Variants in DCTN5 observed in about 807,000 individuals in gnomAD.
DCTN5 encodes dynactin 4.
DCTN5 carries 14 observed loss-of-function variants against 23.5 expected under a neutral mutation model. That is an observed-to-expected ratio of 0.60 (90% CI 0.39 to 0.93). DCTN5 has a LOEUF of 0.93. Ranked by LOEUF, DCTN5 falls within the 40% of genes least tolerant of loss-of-function variation. DCTN5 has a pLI of 0.00. For missense variants in DCTN5, 156 were observed against 225.9 expected, an observed-to-expected ratio of 0.69 and a Z score of 1.98; for synonymous variants, 67 against 79.6, an observed-to-expected ratio of 0.84 and a Z score of 0.84.
chr16:23,653,427 A>G (rs1304340370), intron 2 of DCTN5, among the ~76,000 whole-genome samples: 1 of 152,172 alleles, frequency 6.6e-6, no homozygotes, highest in Non-Finnish European at 1.5e-5. Context: ...TCTTCATCAA[A>G]CCTTCTAAAA....
intron 2 of DCTN5, among the ~76,000 whole-genome samples, chr16:23,649,496 TG>T (rs1461867238): frequency 2.0e-5 from 3 of 152,180 alleles, no homozygotes; most frequent in Non-Finnish European, 4.4e-5. Flanking sequence ...ATTTCCCCTA[TG>T]TTTTCTTCTA....
chr16:23,664,624 CTG>C (rs2140987313), intron 4 of DCTN5, among the ~76,000 whole-genome samples: 2 of 152,310 alleles, frequency 1.3e-5, no homozygotes, highest in East Asian at 3.9e-4. Context: ...CAGCTGTAAA[CTG>C]TACACAGAAG....
At chr16:23,645,114 TATATATATATA>T (rs1967413758) in intron 2 of DCTN5, among the ~76,000 whole-genome samples, 21 of 40,706 alleles carry the variant, frequency 5.2e-4, no homozygotes, top group Admixed American at 1.2e-3. Context: ...TATATATATA[TATATATATATA>T]TATATATATA....
rs1967411633 is a variant in DCTN5, at chr16:23,645,111, ATATATATATATATATATATATATATAT to A, written c.117+2090_117+2116del. ...TATATATATATATATATATATATAT[ATATATATATATATATATATATATATAT>A]TTTTTTTTTTTTTAATACGCAGTTT... is the stretch of plus-strand genomic sequence containing the variant. On this transcript the variant is annotated intron_variant, in intron 2 of 5. Transcript: ENST00000300087. 1.2e-4 allele frequency among the ~76,000 whole-genome samples: 4 copies of A among 34,106 alleles called. 1 individual carries two copies. Among genetic ancestry groups the A allele is most frequent in the Admixed American group, 3.5e-4 (1 of 2,894 alleles). The allele number at this position is 34,106 out of a possible 152,430, so 22.4% of individuals were successfully genotyped here.
chr16:23,661,572 G>C (rs927852366), intron 4 of DCTN5, among the ~76,000 whole-genome samples: 1 of 152,120 alleles, frequency 6.6e-6, no homozygotes, highest in Non-Finnish European at 1.5e-5. Context: ...ACAAAAATTA[G>C]CTGGGCATGG....
Position 23,641,592 on chromosome 16 carries a change from T to C in DCTN5, c.48+2T>C. ...AACAAGTCTGAGTACATCGAGACGG[T>C]GCGCGGGTCCAGATATGTATCCTCC... On this transcript the variant is annotated splice_donor_variant, in intron 1 of 5. Transcript: ENST00000300087. LOFTEE classifies it high-confidence loss of function. 6.2e-7 allele frequency: 1 copy of C among 1,613,930 alleles called. No homozygotes were observed. The highest frequency in any genetic ancestry group is 8.5e-7 in the Non-Finnish European group (1 of 1,179,872).
chr16:23,670,019 A>G lies in DCTN5; in HGVS notation c.*2875A>G, dbSNP rs752998325. ...TACCTGTGTTCTTGTCTGAACCCCT[A>G]CTAACTGTGAGCTCCTGAGGAGTCA... On this transcript the variant is annotated 3_prime_UTR_variant, in exon 6 of 6. Transcript: ENST00000300087. 1 of 152,116 alleles carries G rather than the reference A, an allele frequency of 6.6e-6. No individual in the cohort carries two copies. Among genetic ancestry groups the G allele is most frequent in the Non-Finnish European group, 1.5e-5 (1 of 68,048 alleles). 9.4% of individuals were successfully genotyped at this position (152,116 alleles called of 1,614,324 possible).
Position 23,641,604 on chromosome 16 carries a change from G to A in DCTN5, c.48+14G>A, listed in dbSNP as rs764641934. On this transcript the variant is annotated intron_variant, in intron 1 of 5. Coordinates refer to ENST00000300087, the MANE Select transcript of DCTN5 (RefSeq NM_032486.4). ...TACATCGAGACGGTGCGCGGGTCCAGATATGTATCCTCCTCTTTCCAACCC... is the reference window on the plus strand; with the variant it reads ...TACATCGAGACGGTGCGCGGGTCCAAATATGTATCCTCCTCTTTCCAACCC... 3.1e-6 allele frequency: 5 copies of A among 1,613,774 alleles called. No individual in the cohort carries two copies. The highest frequency in any genetic ancestry group is 2.2e-5 in the East Asian group (1 of 44,884).
intron 2 of DCTN5, among the ~76,000 whole-genome samples, chr16:23,646,169 A>G (rs1967454128): frequency 6.6e-6 from 1 of 151,926 alleles, no homozygotes; most frequent in African/African-American, 2.4e-5. Context: ...TTTGATTTGT[A>G]TTTCCTTAAT....
chr16:23,657,125 TAATA>T (rs370513984), intron 2 of DCTN5, among the ~76,000 whole-genome samples: 4 of 152,282 alleles, frequency 2.6e-5, no homozygotes, highest in African/African-American at 9.6e-5. Flanking sequence ...GTAGTAGTAA[TAATA>T]CGGAAATTTA....
At position 23,671,197 on chromosome 16, in the gene DCTN5, A is replaced by G. The variant is rs1968000284; in HGVS notation, c.*4053A>G. 6.6e-6 allele frequency: 1 copy of G among 152,198 alleles called. No homozygotes were observed. The highest frequency in any genetic ancestry group is 2.1e-4 in the South Asian group (1 of 4,828). The allele number at this position is 152,198 out of a possible 1,614,324, so 9.4% of individuals were successfully genotyped here. On this transcript the variant is annotated 3_prime_UTR_variant, in exon 6 of 6. Coordinates refer to ENST00000300087, the MANE Select transcript of DCTN5 (RefSeq NM_032486.4). ...TACTTCGTGGAACCTCAGGTTTCTC[A>G]TCCATAAAATGGGGAAGTTGGATAG...
intron 2 of DCTN5, among the ~76,000 whole-genome samples, chr16:23,654,010 C>T (rs1967651856): frequency 6.6e-6 from 1 of 152,102 alleles, no homozygotes; most frequent in East Asian, 1.9e-4. Context: ...GTCAGAATAG[C>T]TGTTATTAAA....
At chr16:23,665,855 C>T (rs868559539) in intron 5 of DCTN5, 127 bp downstream of exon 5, 1 of 745,792 alleles carries the variant, frequency 1.3e-6, no homozygotes, top group Non-Finnish European at 2.2e-6. Flanking sequence ...AGAAATTCAC[C>T]TGTACAAAGT....
intron 2 of DCTN5, among the ~76,000 whole-genome samples, chr16:23,649,119 C>G (rs574666962): frequency 5.3e-5 from 8 of 152,288 alleles, no homozygotes; most frequent in Non-Finnish European, 1.0e-4. Flanking sequence ...AGTTGGCCTC[C>G]CAAAATGCTG....
At position 23,674,702 on chromosome 16, in the gene DCTN5, A is replaced by G. The variant is rs1567237113; in HGVS notation, c.*7558A>G. The G allele has an allele frequency of 6.6e-6, 1 of 152,216 alleles. No individual in the cohort carries two copies. The highest frequency in any genetic ancestry group is 2.4e-5 in the African/African-American group (1 of 41,456). 9.4% of individuals were successfully genotyped at this position (152,216 alleles called of 1,614,324 possible). ...AAGGGGTAGAAGATTATGTAAACAC[A>G]TTTTGAAATTTTTAAAAATTCAGGG... On this transcript the variant is annotated 3_prime_UTR_variant, in exon 6 of 6. Transcript: ENST00000300087.
intron 2 of DCTN5, among the ~76,000 whole-genome samples, chr16:23,647,524 A>AG (rs892703834): frequency 1.5e-5 from 2 of 130,262 alleles, no homozygotes; most frequent in African/African-American, 5.9e-5. Context: ...TTTTTGGGGG[A>AG]GGGGGATGGA....
chr16:23,643,260 C>G (rs1237394037), intron 2 of DCTN5, among the ~76,000 whole-genome samples: 1 of 151,736 alleles, frequency 6.6e-6, no homozygotes, highest in African/African-American at 2.4e-5. Context: ...GGCCCCATCT[C>G]AGGTCGCTGC....
Position 23,674,268 on chromosome 16 carries a change from G to A in DCTN5, c.*7124G>A, listed in dbSNP as rs956068822. The A allele has an allele frequency of 1.3e-5, 2 of 152,202 alleles. No individual in the cohort carries two copies. The allele number at this position is 152,202 out of a possible 1,614,324, so 9.4% of individuals were successfully genotyped here. A position where few individuals can be genotyped will look rare whatever the true frequency, so the allele number is the denominator to read the frequency against. ...CCGTGGAGCGCTAAACTATGAAAAC[G>A]TCCTGGAACCTGGCTGAAAAGGGCT... On this transcript the variant is annotated 3_prime_UTR_variant, in exon 6 of 6. Transcript: ENST00000300087.
chr16:23,643,154 AT>A, intron 2 of DCTN5, 131 bp downstream of exon 2: 2 of 739,952 alleles, frequency 2.7e-6, no homozygotes, highest in East Asian at 2.9e-5. Context: ...TTGTTTTTAA[AT>A]TTTTTATTTT....
Sources: gnomAD v4.1 joint callset for allele counts (sites outside exome capture counted in the v4.1 genomes callset) on GRCh38, gnomAD v4.1.1 for gene constraint, MANE v1.5 for transcripts, NCBI Gene and HGNC (gene_info 2026-07-23, HGNC 2026-07-21) for gene names.